DAG1: variants seen among roughly 807,000 people sequenced by gnomAD.
DAG1 encodes the protein dystroglycan 1 (dystrophin-associated glycoprotein 1).
In DAG1, 8 loss-of-function variants were observed where a neutral mutation model predicts 46.1. The ratio of observed to expected loss-of-function variants is 0.17; its 90% CI spans 0.10 to 0.31. DAG1 has a LOEUF of 0.31. Among genes scored for constraint, DAG1 ranks in the 10% least tolerant of loss-of-function variants. The probability of loss-of-function intolerance (pLI) is 1.00; values close to 1 mark genes in which losing one functional copy is unlikely to be tolerated. For synonymous variants in DAG1, 495 were observed against 481.8 expected (o/e 1.03, Z -0.36); for missense variants, 1,003 against 1,189.9 (o/e 0.84, Z 2.31).
intron 2 of DAG1, among the ~76,000 whole-genome samples, chr3:49,525,558 A>G (rs1372660735): frequency 1.7e-5 from 2 of 120,276 alleles, no homozygotes; most frequent in Non-Finnish European, 3.4e-5. Context: ...GGTGCTACAC[A>G]CTTTTTTTTT....
intron 1 of DAG1, among the ~76,000 whole-genome samples, chr3:49,491,202 G>T (rs930773117): frequency 2.6e-5 from 4 of 151,622 alleles, no homozygotes; most frequent in African/African-American, 9.7e-5. Flanking sequence ...TAGAGATGGG[G>T]TCCCACTATG....
At chr3:49,528,123 A>C (rs1188543448) in intron 2 of DAG1, among the ~76,000 whole-genome samples, 1 of 151,834 alleles carries the variant, frequency 6.6e-6, no homozygotes, top group Non-Finnish European at 1.5e-5. Context: ...TATTTGCTTC[A>C]TGGTGGTTTT....
chr3:49,504,760 A>ATT (rs1559560835), intron 1 of DAG1, among the ~76,000 whole-genome samples: 6 of 110,470 alleles, frequency 5.4e-5, no homozygotes, highest in African/African-American at 1.9e-4. Flanking sequence ...ACGCCCAGCT[A>ATT]ATTTTTTTTT....
rs749962207 is a variant in DAG1 at position 49,530,935 on chromosome 3, G to A, written c.424G>A (p.Gly142Arg). ...GAGCGCTACACGGCTGGGGGCCAAC[G>A]GGAGCCACATCCCCCAGACCTCCAG... ...SVSATRLGANGSHIPQTSSVF... is the reference protein window; with the variant it reads ...SVSATRLGANRSHIPQTSSVF... Residue 142 changes from glycine (G) to arginine (R), a missense_variant, in exon 3 of 3, where the codon GGG (glycine) becomes AGG (arginine). Physicochemically the swap from Gly to Arg is moderately radical, Grantham distance 125 (BLOSUM62 -2). Transcript: ENST00000308775. The A allele has an allele frequency of 8.1e-6, 13 of 1,614,114 alleles. No homozygotes were observed. The highest frequency in any genetic ancestry group is 5.3e-5 in the African/African-American group (4 of 75,034).
intron 2 of DAG1, among the ~76,000 whole-genome samples, chr3:49,513,671 G>GATCTT (rs2050820655): frequency 6.6e-6 from 1 of 152,054 alleles, no homozygotes; most frequent in South Asian, 2.1e-4. Context: ...GTGGTCTCTG[G>GATCTT]GGCAACCGTA....
intron 1 of DAG1, among the ~76,000 whole-genome samples, chr3:49,480,267 CTTTTTTT>C (rs1043834393): frequency 6.0e-5 from 6 of 100,044 alleles, no homozygotes; most frequent in Admixed American, 3.5e-4. Flanking sequence ...TATAACATTT[CTTTTTTT>C]TTTTTTTTTT....
At chr3:49,482,157 T>A (rs1380443155) in intron 1 of DAG1, among the ~76,000 whole-genome samples, 1 of 152,172 alleles carries the variant, frequency 6.6e-6, no homozygotes, top group African/African-American at 2.4e-5. Context: ...GTAAAAGTCA[T>A]CGCTATTCTC....
At chr3:49,494,635 A>AT (rs1322957881) in intron 1 of DAG1, among the ~76,000 whole-genome samples, 3 of 151,538 alleles carry the variant, frequency 2.0e-5, no homozygotes, top group Non-Finnish European at 4.4e-5. Flanking sequence ...AATTATTATT[A>AT]TTATTTTTTT....
rs368328239 is a variant in DAG1 at position 49,493,604 on chromosome 3, A to G, written c.-116-16815A>G. 2.6e-5 allele frequency among the ~76,000 whole-genome samples: 4 copies of G among 152,150 alleles called. No individual in the cohort carries two copies. The East Asian group carries it at 5.8e-4, about 22-fold the overall frequency. On this transcript the variant is annotated intron_variant, in intron 1 of 2. Transcript: ENST00000308775. The stretch of plus-strand genomic sequence containing the variant: ...AGGAGGAGGAAAGCGCTTGAGAGTA[A>G]TGGATTTACTTGATTTTACTTTGTA...
chr3:49,524,239 C>T (rs972409049), intron 2 of DAG1, among the ~76,000 whole-genome samples: 1 of 152,150 alleles, frequency 6.6e-6, no homozygotes, highest in Non-Finnish European at 1.5e-5. Context: ...GTGGACACTG[C>T]CAAACCTTCA....
At chr3:49,469,444 TGA>T (rs2049450436), upstream of DAG1, among the ~76,000 whole-genome samples, 4 of 152,222 alleles carry the variant, frequency 2.6e-5, no homozygotes, top group Admixed American at 6.5e-5. Flanking sequence ...ACCCTCCCCT[TGA>T]ATGTTCCAGG....
chr3:49,491,621 C>T (rs191333601), intron 1 of DAG1, among the ~76,000 whole-genome samples: 4 of 152,106 alleles, frequency 2.6e-5, no homozygotes, highest in South Asian at 2.1e-4. Flanking sequence ...GGACTGCAGG[C>T]GTCCGCCAAC....
At chr3:49,515,319 T>G (rs1028208189) in intron 2 of DAG1, among the ~76,000 whole-genome samples, 1 of 151,886 alleles carries the variant, frequency 6.6e-6, no homozygotes, top group African/African-American at 2.4e-5. Flanking sequence ...CTTGAGTATT[T>G]TTTTACCTGT....
At chr3:49,515,599 C>T (rs542877204) in intron 2 of DAG1, among the ~76,000 whole-genome samples, 3 of 151,614 alleles carry the variant, frequency 2.0e-5, no homozygotes, top group Admixed American at 6.6e-5. Context: ...TTGCCCAGGC[C>T]GGTCTTGAAC....
chr3:49,531,339 T>G lies in DAG1; in HGVS notation c.828T>G (p.Gly276=). ...LNQNSVPDIH[G]VEAPAREGAM... ...AGAACAGTGTGCCTGACATTCATGG[T>G]GTAGAGGCCCCTGCCAGGGAGGGCG... Residue 276 remains glycine (G), a synonymous_variant, in exon 3 of 3, where the codon GGT becomes GGG. Coordinates refer to ENST00000308775, the MANE Select transcript of DAG1 (RefSeq NM_004393.6). This position sits in a 1 kb window ranked among gnomAD's most constrained non-coding sequence, Gnocchi z 7.0. 6.2e-7 allele frequency: 1 copy of G among 1,614,076 alleles called. No individual in the cohort carries two copies. The highest frequency in any genetic ancestry group is 8.5e-7 in the Non-Finnish European group (1 of 1,180,008).
chr3:49,496,150 A>G (rs895139000), intron 1 of DAG1, among the ~76,000 whole-genome samples: 14 of 152,018 alleles, frequency 9.2e-5, no homozygotes, highest in Non-Finnish European at 1.5e-5. Context: ...GTTTTCTAAA[A>G]TATTGTGGCA....
chr3:49,507,392 G>A lies in DAG1; in HGVS notation c.-116-3027G>A, dbSNP rs542615320. ...AGCCTGGTCAACGTGGCAAAACCCC[G>A]TCTCTATTAAAAATACAAAAATTAG... On this transcript the variant is annotated intron_variant, in intron 1 of 2. Transcript: ENST00000308775. Among the ~76,000 whole-genome samples the A allele has an allele frequency of 7.2e-5, 11 of 152,030 alleles. No homozygotes were observed. The East Asian group carries it at 1.9e-3, about 27-fold the overall frequency.
At position 49,530,847 on chromosome 3, in the gene DAG1, A is replaced by T; in HGVS notation, c.336A>T (p.Ser112=). ...TGCCATCTTGGCTGCACTGGGACTC[A>T]CAGAGCCACACCCTGGAGGGCCTCC... The part of the protein sequence containing the change: ...EALPSWLHWD[S]QSHTLEGLPL... The change falls in exon 3 of 3, where the codon TCA becomes TCT. Residue 112 remains serine, a synonymous_variant. Transcript: ENST00000308775. 6.2e-7 allele frequency: 1 copy of T among 1,614,220 alleles called. No homozygotes were observed. The highest frequency in any genetic ancestry group is 8.5e-7 in the Non-Finnish European group (1 of 1,180,026).
At chr3:49,526,491 T>C (rs2051175150) in intron 2 of DAG1, among the ~76,000 whole-genome samples, 1 of 151,920 alleles carries the variant, frequency 6.6e-6, no homozygotes, top group Admixed American at 6.6e-5. Flanking sequence ...GCCAGATCAC[T>C]GGAGGCCAGG....
Sources: allele counts gnomAD v4.1 joint callset (sites outside exome capture counted in the v4.1 genomes callset), GRCh38; gene constraint gnomAD v4.1.1; non-coding constraint Gnocchi (gnomAD v3.1); transcripts MANE v1.5; gene names NCBI Gene and HGNC (gene_info 2026-07-23, HGNC 2026-07-21).